The following PITPNC1 variants were observed in gnomAD, a reference collection of about 807,000 sequenced individuals.
PITPNC1 encodes phosphatidylinositol transfer protein cytoplasmic 1, also known as cytoplasmic phosphatidylinositol transfer protein 1.
A neutral mutation model predicts 44.7 loss-of-function variants in PITPNC1; 18 were observed. That is an observed-to-expected ratio of 0.40 (90% confidence interval 0.28 to 0.60). The LOEUF is 0.60. PITPNC1 is among the 20% of genes least tolerant of loss of function. The pLI is 0.39. For synonymous variants in PITPNC1, 141 were observed against 149.6 expected (o/e 0.94, Z 0.42); for missense variants, 290 against 418.4 (o/e 0.69, Z 2.68).
intron 1 of PITPNC1, among the ~76,000 whole-genome samples, chr17:67,468,885 C>G (rs2039471759): frequency 6.6e-6 from 1 of 152,140 alleles, no homozygotes. Flanking sequence ...CCCACCACCA[C>G]GCCTGGCTAA....
intron 1 of PITPNC1, chr17:67,379,183 T>TA: frequency 1.0e-6 from 1 of 985,728 alleles, no homozygotes; most frequent in Non-Finnish European, 1.2e-6. Context: ...TGAAACTCAC[T>TA]AGTGTGGTTT....
At chr17:67,436,513 G>A (rs929626625) in intron 1 of PITPNC1, among the ~76,000 whole-genome samples, 5 of 152,120 alleles carry the variant, frequency 3.3e-5, no homozygotes, top group Non-Finnish European at 7.3e-5. Flanking sequence ...GGAGGCCAGG[G>A]AGGGGAAGGA....
intron 1 of PITPNC1, among the ~76,000 whole-genome samples, chr17:67,455,364 C>T (rs1447031801): frequency 2.0e-5 from 3 of 152,192 alleles, no homozygotes; most frequent in Admixed American, 2.0e-4. Context: ...TGCTTATACA[C>T]ATCTCTTGAT....
In PITPNC1 at chr17:67,516,038, T is replaced by C. The variant is rs573095428; in HGVS notation, c.49-16764T>C. ...GGAGGAAGACCTTCTAGGAGCAGGATTGAGGATCTCAGGCTCTTGGCTTCT... is the reference window on the plus strand; with the variant it reads ...GGAGGAAGACCTTCTAGGAGCAGGACTGAGGATCTCAGGCTCTTGGCTTCT... On this transcript the variant is annotated intron_variant, in intron 1 of 8. Transcript: ENST00000581322. Among the ~76,000 whole-genome samples the C allele has an allele frequency of 5.9e-5, 9 of 152,278 alleles. 1 individual carries two copies. The South Asian group carries it at 1.9e-3, about 32-fold the overall frequency.
chr17:67,472,909 T>C (rs1244142515), intron 1 of PITPNC1, among the ~76,000 whole-genome samples: 1 of 151,568 alleles, frequency 6.6e-6, no homozygotes, highest in African/African-American at 2.4e-5. Flanking sequence ...GGAGTCTTGC[T>C]CTGTAGCCCA....
At chr17:67,541,803 C>G (rs991957920) in intron 2 of PITPNC1, among the ~76,000 whole-genome samples, 2 of 152,132 alleles carry the variant, frequency 1.3e-5, no homozygotes, top group Non-Finnish European at 2.9e-5. Flanking sequence ...ACTGTGTATG[C>G]CACAAGACCT....
intron 8 of PITPNC1, among the ~76,000 whole-genome samples, chr17:67,678,071 C>G (rs1413756967): frequency 6.6e-6 from 1 of 151,992 alleles, no homozygotes; most frequent in Admixed American, 6.6e-5. Context: ...ATAAAATTAG[C>G]CAGGCACAGT....
At chr17:67,643,949 C>T (rs1214984319) in intron 6 of PITPNC1, among the ~76,000 whole-genome samples, 1 of 152,126 alleles carries the variant, frequency 6.6e-6, no homozygotes, top group Non-Finnish European at 1.5e-5. Context: ...GTCGCTTTTC[C>T]CTTGTCGGTG....
At chr17:67,670,750 CAAAAAAAAAAA>C (rs61094990) in intron 7 of PITPNC1, among the ~76,000 whole-genome samples, 1 of 60,516 alleles carries the variant, frequency 1.7e-5, no homozygotes, top group East Asian at 5.3e-4. Flanking sequence ...GACTCCATCT[CAAAAAAAAAAA>C]AAAAAAAAGG....
chr17:67,645,951 C>G (rs756394399), intron 6 of PITPNC1, among the ~76,000 whole-genome samples: 1 of 152,158 alleles, frequency 6.6e-6, no homozygotes, highest in Non-Finnish European at 1.5e-5. Flanking sequence ...CTGGCAAAAG[C>G]CTGTCTCTAC....
chr17:67,483,852 C>T (rs1052174761), intron 1 of PITPNC1, among the ~76,000 whole-genome samples: 3 of 152,034 alleles, frequency 2.0e-5, no homozygotes, highest in East Asian at 1.9e-4. Flanking sequence ...AGTTTCATAA[C>T]GCAGCCAGCA....
intron 7 of PITPNC1, among the ~76,000 whole-genome samples, chr17:67,673,445 C>T (rs899438308): frequency 2.6e-5 from 4 of 152,098 alleles, no homozygotes; most frequent in African/African-American, 9.7e-5. Context: ...TTTCCTTAGC[C>T]TTCTATTGCC....
At chr17:67,532,225 G>C (rs78826592) in intron 1 of PITPNC1, among the ~76,000 whole-genome samples, 1 of 152,136 alleles carries the variant, frequency 6.6e-6, no homozygotes, top group East Asian at 1.9e-4. Context: ...CTCCACTCAT[G>C]GGGGAGCCGG....
intron 1 of PITPNC1, among the ~76,000 whole-genome samples, chr17:67,461,108 C>T (rs984650741): frequency 1.3e-5 from 2 of 152,130 alleles, no homozygotes; most frequent in African/African-American, 4.8e-5. Context: ...GTACTCCTTT[C>T]TTTTCTCTCC....
chr17:67,556,199 T>C (rs2040836407), intron 4 of PITPNC1, among the ~76,000 whole-genome samples: 1 of 152,154 alleles, frequency 6.6e-6, no homozygotes, highest in African/African-American at 2.4e-5. Context: ...AGAAGGGTGC[T>C]GGCCTCTGCA....
At chr17:67,449,270 C>G (rs2039143286) in intron 1 of PITPNC1, among the ~76,000 whole-genome samples, 1 of 152,084 alleles carries the variant, frequency 6.6e-6, no homozygotes, top group Non-Finnish European at 1.5e-5. Flanking sequence ...TTTCCGTGTT[C>G]TAGTTGGAAA....
At chr17:67,618,011 G>A (rs2041781818) in intron 5 of PITPNC1, among the ~76,000 whole-genome samples, 1 of 152,034 alleles carries the variant, frequency 6.6e-6, no homozygotes, top group South Asian at 2.1e-4. Context: ...CTATAGAGGA[G>A]AATCAATATA....
At chr17:67,604,940 G>A (rs926251898) in intron 5 of PITPNC1, among the ~76,000 whole-genome samples, 3 of 152,076 alleles carry the variant, frequency 2.0e-5, no homozygotes, top group Admixed American at 6.6e-5. Flanking sequence ...TTAGCTGGGT[G>A]CGTTGGGATG....
chr17:67,512,251 C>T (rs1156802620), intron 1 of PITPNC1, among the ~76,000 whole-genome samples: 2 of 152,196 alleles, frequency 1.3e-5, no homozygotes, highest in Non-Finnish European at 2.9e-5. Context: ...GTAATCCCAG[C>T]ACTTTGGGAG....
Sources: allele counts gnomAD v4.1 joint callset (sites outside exome capture counted in the v4.1 genomes callset), GRCh38; gene constraint gnomAD v4.1.1; transcripts MANE v1.5; gene names NCBI Gene and HGNC (gene_info 2026-07-23, HGNC 2026-07-21).